Variants in GABRD observed in about 807,000 individuals in gnomAD.
The protein encoded by GABRD is gamma-aminobutyric acid type A receptor subunit delta, also known as gamma-aminobutyric acid receptor subunit delta.
Under a neutral mutation model 47.3 loss-of-function variants are expected in GABRD, and 25 were observed. The observed-to-expected ratio is 0.53, with a 90% CI of 0.39 to 0.74. The LOEUF is 0.74. Ranked by LOEUF, GABRD falls within the 30% of genes least tolerant of loss-of-function variation. The pLI is 0.00. For synonymous variants in GABRD, 314 were observed against 278.8 expected, an observed-to-expected ratio of 1.13 and a Z score of -1.26; for missense variants, 497 against 643.4, an observed-to-expected ratio of 0.77 and a Z score of 2.46.
At chr1:2,027,481 G>A (rs1433847372) in intron 4 of GABRD, 96 bp from the exon 5 acceptor site, 6 of 933,346 alleles carry the variant, frequency 6.4e-6, no homozygotes, top group Admixed American at 5.9e-5. Context: ...GGGGCTCCAG[G>A]CAGGTGCTCA....
intron 5 of GABRD, chr1:2,027,893 C>T (rs969307791): frequency 2.4e-5 from 15 of 619,638 alleles, no homozygotes; most frequent in East Asian, 5.5e-5. Flanking sequence ...AGACATGGCA[C>T]GGATTGATAT....
At chr1:2,023,213 C>T (rs990680815) in intron 1 of GABRD, among the ~76,000 whole-genome samples, 1 of 152,098 alleles carries the variant, frequency 6.6e-6, no homozygotes, top group African/African-American at 2.4e-5. Flanking sequence ...CACCAGACCT[C>T]TGTGCCCTGC....
chr1:2,019,587 CG>C, intron 1 of GABRD, 96 bp downstream of exon 1: 1 of 744,244 alleles, frequency 1.3e-6, no homozygotes, highest in Non-Finnish European at 1.7e-6. Flanking sequence ...GCGCGAGCCC[CG>C]GGCCCCGGAC....
chr1:2,024,916 T>C (rs751171573), intron 1 of GABRD, 26 bp from the exon 2 acceptor site: 1 of 1,536,136 alleles, frequency 6.5e-7, no homozygotes, highest in South Asian at 1.1e-5. Context: ...TCCTGGCCTG[T>C]CTGACCGGTG....
rs1212117241 is a variant in GABRD, at chr1:2,029,216, G to C, written c.797G>C (p.Trp266Ser). Residue 266 changes from tryptophan (W) to serine (S), a missense_variant, in exon 7 of 9, where the codon TGG becomes TCG. Physicochemically the swap from Trp to Ser is radical, Grantham distance 177 (BLOSUM62 -3). Around this residue, in one of 3 missense-constraint regions of GABRD, gnomAD observed 285 missense variants for 436.6 expected, o/e 0.65. Transcript: ENST00000378585. ...MPSVLLVAMS[W>S]VSFWISQAAV... ...TCCGTCCTGCTGGTCGCCATGTCCT[G>C]GGTCTCCTTCTGGATCAGCCAGGCG... The C allele has an allele frequency of 2.5e-6, 4 of 1,573,456 alleles. No individual in the cohort carries two copies. The highest frequency in any genetic ancestry group is 3.4e-6 in the Non-Finnish European group (4 of 1,160,924).
rs892992232 is a variant in GABRD at position 2,030,347 on chromosome 1, G to A, written c.*65G>A. On this transcript the variant is annotated 3_prime_UTR_variant, in exon 9 of 9. Transcript: ENST00000378585. ...GCGGCAGCTGCCCAGAAACTTCCTGGGAGAAAGAGCCCTCGGGCTGCCTTC... is the reference window on the plus strand; with the variant it reads ...GCGGCAGCTGCCCAGAAACTTCCTGAGAGAAAGAGCCCTCGGGCTGCCTTC... 2.8e-6 allele frequency: 4 copies of A among 1,414,150 alleles called. No homozygotes were observed. The African/African-American group carries it at 5.9e-5, about 21-fold the overall frequency. The allele number at this position is 1,414,150 out of a possible 1,614,324, so 87.6% of individuals were successfully genotyped here.
rs547381262 is a variant in GABRD at position 2,028,996 on chromosome 1, G to A, written c.692-115G>A. 16 of 1,337,220 alleles carry A rather than the reference G, an allele frequency of 1.2e-5. No individual in the cohort carries two copies. In the Admixed American group the frequency reaches 1.7e-4, roughly 14 times the overall value. The allele number at this position is 1,337,220 out of a possible 1,614,324, so 82.8% of individuals were successfully genotyped here. A position where few individuals can be genotyped will look rare whatever the true frequency, so the allele number is the denominator to read the frequency against. On this transcript the variant is annotated intron_variant, in intron 6 of 8. Transcript: ENST00000378585. This position sits in a 1 kb window ranked among gnomAD's most constrained non-coding sequence, Gnocchi z 6.4. ...GTTGGTGGGGAGGGCAGGGGTCTAA[G>A]TCTCTCTTCTGAGCCCTGGTGGGCC...
rs372211017 is a variant in GABRD, at chr1:2,028,383, C to T, written c.691+91C>T. The T allele has an allele frequency of 4.7e-5, 60 of 1,273,068 alleles. No individual in the cohort carries two copies. The highest frequency in any genetic ancestry group is 3.0e-4 in the Middle Eastern group (1 of 3,328). 78.9% of individuals were successfully genotyped at this position (1,273,068 alleles called of 1,614,324 possible). ...TTCCGCGCGCGCCCACCGCCCCTTC[C>T]GCGTGCGCCCGCCTGTGGTTTTCAT... On this transcript the variant is annotated intron_variant, in intron 6 of 8. Coordinates refer to ENST00000378585, the MANE Select transcript of GABRD (RefSeq NM_000815.5). The surrounding 1 kb of genome is among the most constrained non-coding windows in gnomAD (Gnocchi z 6.4).
chr1:2,029,322 G>A, intron 7 of GABRD, 56 bp downstream of exon 7: 1 of 1,520,622 alleles, frequency 6.6e-7, no homozygotes, highest in Non-Finnish European at 8.8e-7. Context: ...TGGGGAACAG[G>A]ACTCCCCATC....
At chr1:2,029,805 C>A in intron 8 of GABRD, 43 bp downstream of exon 8, 1 of 1,574,310 alleles carries the variant, frequency 6.4e-7, no homozygotes, top group South Asian at 1.1e-5. Flanking sequence ...TGCTGGGGGC[C>A]CCAACCAGGA....
At position 2,027,565 on chromosome 1, in the gene GABRD, T is replaced by C. The variant is rs1658959738; in HGVS notation, c.471-12T>C. ...CACCCCCAAGGCCTCACTGCCATGCTTGTCTTGGCAGAATCACCTCCACTG... is the reference window on the plus strand; with the variant it reads ...CACCCCCAAGGCCTCACTGCCATGCCTGTCTTGGCAGAATCACCTCCACTG... On this transcript the variant is annotated splice_polypyrimidine_tract_variant and intron_variant, in intron 4 of 8. Coordinates refer to ENST00000378585, the MANE Select transcript of GABRD (RefSeq NM_000815.5). 6.2e-7 allele frequency: 1 copy of C among 1,611,660 alleles called. No individual in the cohort carries two copies.
intron 2 of GABRD, 37 bp from the exon 3 acceptor site, chr1:2,025,297 G>A (rs373176178): frequency 1.5e-4 from 236 of 1,610,782 alleles, no homozygotes; most frequent in Non-Finnish European, 1.8e-4. Flanking sequence ...ATGCTGGGCC[G>A]GCCTCAGTCC....
chr1:2,027,609 T>G lies in GABRD; in HGVS notation c.503T>G (p.Leu168Arg). The change falls in exon 5 of 9, where the codon CTG (leucine) becomes CGG (arginine). Residue 168 changes from leucine (L) to arginine (R), a missense_variant. Leu to Arg is a moderately radical substitution (Grantham distance 102, BLOSUM62 -2). Coordinates refer to ENST00000378585, the MANE Select transcript of GABRD (RefSeq NM_000815.5). ...TCCACTGTGGCCTGCGACATGGACC[T>G]GGCCAAATACCCCATGGACGAGCAG... ...ITSTVACDMDLAKYPMDEQEC... is the reference protein window; with the variant it reads ...ITSTVACDMDRAKYPMDEQEC... 1 of 1,613,866 alleles carries G rather than the reference T, an allele frequency of 6.2e-7. No homozygotes were observed. Among genetic ancestry groups the G allele is most frequent in the Non-Finnish European group, 8.5e-7 (1 of 1,179,950 alleles).
chr1:2,025,302 C>T, intron 2 of GABRD, 32 bp from the exon 3 acceptor site: 1 of 1,612,374 alleles, frequency 6.2e-7, no homozygotes, highest in South Asian at 1.1e-5. Flanking sequence ...GGGCCGGCCT[C>T]AGTCCTTCTT....
At chr1:2,029,012 C>T in intron 6 of GABRD, 99 bp from the exon 7 acceptor site, 1 of 1,449,588 alleles carries the variant, frequency 6.9e-7, no homozygotes, top group African/African-American at 1.4e-5. Flanking sequence ...CTTCTGAGCC[C>T]TGGTGGGCCC....
Position 2,027,567 on chromosome 1 carries a change from G to C in GABRD, c.471-10G>C. ...CCCCCAAGGCCTCACTGCCATGCTT[G>C]TCTTGGCAGAATCACCTCCACTGTG... is the stretch of plus-strand genomic sequence containing the variant. On this transcript the variant is annotated splice_polypyrimidine_tract_variant and intron_variant, in intron 4 of 8. Transcript: ENST00000378585. 6.2e-7 allele frequency: 1 copy of C among 1,611,992 alleles called. No homozygotes were observed. The highest frequency in any genetic ancestry group is 8.5e-7 in the Non-Finnish European group (1 of 1,179,004).
In GABRD at chr1:2,029,876, G is replaced by A. The variant is rs13303182; in HGVS notation, c.1060-107G>A. 7 of 1,510,330 alleles carry A rather than the reference G, an allele frequency of 4.6e-6. No individual in the cohort carries two copies. In the South Asian group the frequency reaches 6.8e-5, roughly 15 times the overall value. 93.6% of individuals were successfully genotyped at this position (1,510,330 alleles called of 1,614,324 possible). On this transcript the variant is annotated intron_variant, in intron 8 of 8. Transcript: ENST00000378585. ...TGTGCTCCCTGAGCGTGGGGGGCTG[G>A]AGCTGCTGGTCCAGGCGGGGCCCCC...
chr1:2,028,907 C>T lies in GABRD; in HGVS notation c.692-204C>T, dbSNP rs997801413. The stretch of plus-strand genomic sequence containing the variant: ...TCCCTCTCCTCTGGGTGACACTGCT[C>T]AGGACCAGCCTGTCCTGTGGCCAGA... On this transcript the variant is annotated intron_variant, in intron 6 of 8. Coordinates refer to ENST00000378585, the MANE Select transcript of GABRD (RefSeq NM_000815.5). The surrounding 1 kb of genome is among the most constrained non-coding windows in gnomAD (Gnocchi z 6.4). 1.1e-5 allele frequency: 7 copies of T among 627,056 alleles called. No individual in the cohort carries two copies. The African/African-American group carries it at 1.3e-4, about 12-fold the overall frequency. The allele number at this position is 627,056 out of a possible 1,614,324, so 38.8% of individuals were successfully genotyped here.
At chr1:2,025,868 G>T (rs550493196) in intron 4 of GABRD, 130 bp downstream of exon 4, 2 of 730,472 alleles carry the variant, frequency 2.7e-6, no homozygotes, top group East Asian at 5.4e-5. Context: ...GGCGGAGGGG[G>T]GGGCAGAAGC....
Sources: gnomAD v4.1 joint callset for allele counts (sites outside exome capture counted in the v4.1 genomes callset) on GRCh38, gnomAD v4.1.1 for gene constraint, gnomAD v4.1.1 regional missense constraint, Gnocchi (gnomAD v3.1) non-coding constraint, MANE v1.5 for transcripts, NCBI Gene and HGNC (gene_info 2026-07-23, HGNC 2026-07-21) for gene names.